Variants in VPS54 observed in about 807,000 individuals in gnomAD.
VPS54 encodes the protein VPS54 subunit of GARP complex.
A neutral mutation model predicts 121.5 loss-of-function variants in VPS54; 45 were observed. The ratio of observed to expected loss-of-function variants is 0.37; its 90% CI spans 0.29 to 0.47. VPS54 has a LOEUF of 0.47. Among genes scored for constraint, VPS54 ranks in the 20% least tolerant of loss-of-function variants. VPS54 has a pLI of 0.99. For synonymous variants in VPS54, 371 were observed against 385.8 expected, an observed-to-expected ratio of 0.96 and a Z score of 0.45; for missense variants, 1,090 against 1,131.4, an observed-to-expected ratio of 0.96 and a Z score of 0.52.
Position 64,010,084 on chromosome 2 carries a change from C to T in VPS54, c.-21+8854G>A, listed in dbSNP as rs372091288. On this transcript the variant is annotated intron_variant, in intron 1 of 22. Transcript: ENST00000272322. ...CTCAAACTCCCGACCTCAGGTGATT[C>T]GCCCACCTCGGCCTCCCAAAGTGCT... Among the ~76,000 whole-genome samples the T allele has an allele frequency of 6.6e-5, 10 of 152,218 alleles. No homozygotes were observed. The East Asian group carries it at 1.2e-3, about 18-fold the overall frequency.
rs1307190750 is a variant in VPS54 at position 63,942,640 on chromosome 2, A to C, written c.1302-79T>G. ...TAACATCTACAAACTGGAAGAAATG[A>C]GACTAAATACTATCTAGTGATAAAA... On this transcript the variant is annotated intron_variant, in intron 10 of 22. Coordinates refer to ENST00000272322, the MANE Select transcript of VPS54 (RefSeq NM_016516.3). 26 of 1,194,734 alleles carry C rather than the reference A, an allele frequency of 2.2e-5. No individual in the cohort carries two copies. In the East Asian group the frequency reaches 6.9e-4, roughly 32 times the overall value. 74.0% of individuals were successfully genotyped at this position (1,194,734 alleles called of 1,614,324 possible). A position where few individuals can be genotyped will look rare whatever the true frequency, so the allele number is the denominator to read the frequency against.
chr2:63,987,621 T>C (rs1295086089), intron 1 of VPS54, among the ~76,000 whole-genome samples: 1 of 152,230 alleles, frequency 6.6e-6, no homozygotes, highest in African/African-American at 2.4e-5. Flanking sequence ...TTGGTTAGTA[T>C]GGACATTTTA....
At position 63,969,867 on chromosome 2, in the gene VPS54, T is replaced by C. The variant is rs372182344; in HGVS notation, c.458-876A>G. 9.8e-5 allele frequency among the ~76,000 whole-genome samples: 15 copies of C among 152,290 alleles called. No homozygotes were observed. The South Asian group carries it at 2.3e-3, about 23-fold the overall frequency. On this transcript the variant is annotated intron_variant, in intron 4 of 22. Coordinates refer to ENST00000272322, the MANE Select transcript of VPS54 (RefSeq NM_016516.3). Reference sequence around the variant, plus strand: ...TTCTAAAGTAGGAATATTGTTTTTATTGTTTAAAAGATCTATCATCCCATC... The same window carrying C: ...TTCTAAAGTAGGAATATTGTTTTTACTGTTTAAAAGATCTATCATCCCATC...
chr2:63,964,923 CT>C (rs1428710998), intron 6 of VPS54, among the ~76,000 whole-genome samples: 2 of 152,198 alleles, frequency 1.3e-5, no homozygotes, highest in African/African-American at 4.8e-5. Flanking sequence ...TTAGAAGACT[CT>C]TGATAAGTAA....
intron 1 of VPS54, among the ~76,000 whole-genome samples, chr2:64,011,373 A>G (rs1434609318): frequency 6.6e-6 from 1 of 151,760 alleles, no homozygotes; most frequent in Non-Finnish European, 1.5e-5. Flanking sequence ...CCAGACCATC[A>G]TGGCCAACAT....
intron 3 of VPS54, among the ~76,000 whole-genome samples, chr2:63,977,277 T>A (rs1215304616): frequency 6.6e-6 from 1 of 152,236 alleles, no homozygotes; most frequent in Non-Finnish European, 1.5e-5. Context: ...TTCTTCTGCT[T>A]AATTTGGATT....
intron 7 of VPS54, among the ~76,000 whole-genome samples, chr2:63,959,653 G>A (rs1286332276): frequency 2.0e-5 from 3 of 152,196 alleles, no homozygotes; most frequent in East Asian, 1.9e-4. Flanking sequence ...CTGCGGAGCC[G>A]AGGAAGGTAG....
At chr2:64,010,924 C>A (rs984246775) in intron 1 of VPS54, among the ~76,000 whole-genome samples, 1 of 152,104 alleles carries the variant, frequency 6.6e-6, no homozygotes, top group Non-Finnish European at 1.5e-5. Flanking sequence ...ATCTAATTTT[C>A]TTTTTCTTTA....
At chr2:63,951,639 A>C (rs1315670568) in intron 7 of VPS54, among the ~76,000 whole-genome samples, 1 of 152,160 alleles carries the variant, frequency 6.6e-6, no homozygotes, top group African/African-American at 2.4e-5. Flanking sequence ...GTTTGGATAA[A>C]TTTTAACTTT....
At chr2:63,913,599 T>G (rs1200666230) in intron 17 of VPS54, among the ~76,000 whole-genome samples, 8 of 152,342 alleles carry the variant, frequency 5.3e-5, no homozygotes, top group Middle Eastern at 3.4e-3. Flanking sequence ...TCAGTCATTC[T>G]TGTTGGGAAG....
rs549031509 is a variant in VPS54, at chr2:63,892,549, TA to T, written c.*880del. ...AGGGGGCCATACTTCATATGTTATCTAAATGTTAATATGAGAACTCAAAAGT... is the reference window on the plus strand; with the variant it reads ...AGGGGGCCATACTTCATATGTTATCTAATGTTAATATGAGAACTCAAAAGT... On this transcript the variant is annotated 3_prime_UTR_variant, in exon 23 of 23. Coordinates refer to ENST00000272322, the MANE Select transcript of VPS54 (RefSeq NM_016516.3). 77 of 152,706 alleles carry T rather than the reference TA, an allele frequency of 5.0e-4. No individual in the cohort carries two copies. The highest frequency in any genetic ancestry group is 1.8e-3 in the African/African-American group (76 of 41,560). The allele number at this position is 152,706 out of a possible 1,614,324, so 9.5% of individuals were successfully genotyped here. A position where few individuals can be genotyped will look rare whatever the true frequency, so the allele number is the denominator to read the frequency against.
intron 22 of VPS54, among the ~76,000 whole-genome samples, chr2:63,894,115 G>C (rs1672340317): frequency 6.6e-6 from 1 of 152,068 alleles, no homozygotes; most frequent in East Asian, 1.9e-4. Context: ...TCAAAACAAG[G>C]TACTACTATC....
At chr2:63,999,419 C>A (rs1049955467) in intron 1 of VPS54, among the ~76,000 whole-genome samples, 12 of 152,210 alleles carry the variant, frequency 7.9e-5, no homozygotes, top group African/African-American at 2.7e-4. Context: ...TGTCATGCCA[C>A]TCTCTTGGCC....
intron 4 of VPS54, among the ~76,000 whole-genome samples, chr2:63,969,208 C>G (rs1676153368): frequency 6.6e-6 from 1 of 152,120 alleles, no homozygotes; most frequent in Admixed American, 6.5e-5. Flanking sequence ...AATTATATAG[C>G]AGCAATAAAA....
chr2:63,938,336 A>G (rs1020783026), intron 11 of VPS54, among the ~76,000 whole-genome samples: 3 of 151,870 alleles, frequency 2.0e-5, no homozygotes, highest in Non-Finnish European at 2.9e-5. Flanking sequence ...GAGTGGTAAA[A>G]ATGTCTTCAT....
At chr2:63,991,419 C>G (rs1212773017) in intron 1 of VPS54, among the ~76,000 whole-genome samples, 1 of 152,148 alleles carries the variant, frequency 6.6e-6, no homozygotes, top group African/African-American at 2.4e-5. Context: ...TATATTAAAG[C>G]TTGTGAAGGC....
chr2:63,941,803 G>T (rs1431808567), intron 11 of VPS54, among the ~76,000 whole-genome samples: 1 of 152,088 alleles, frequency 6.6e-6, no homozygotes, highest in Non-Finnish European at 1.5e-5. Context: ...GGAGGCAGAG[G>T]CGGGCAGATC....
rs114531504 is a variant in VPS54 at position 63,972,034 on chromosome 2, A to G, written c.457+132T>C. The G allele has an allele frequency of 1.0e-3, 467 of 458,334 alleles. 1 individual carries two copies. Among genetic ancestry groups the G allele is most frequent in the African/African-American group, 8.5e-3 (423 of 50,000 alleles). 28.4% of individuals were successfully genotyped at this position (458,334 alleles called of 1,614,324 possible). On this transcript the variant is annotated intron_variant, in intron 4 of 22. Coordinates refer to ENST00000272322, the MANE Select transcript of VPS54 (RefSeq NM_016516.3). ...CTTAGAAGTTCTTAGAAAATATTAT[A>G]ATCATAGGTTATAAAAATTTTACTA...
At chr2:63,976,952 C>A (rs1174505584) in intron 3 of VPS54, among the ~76,000 whole-genome samples, 1 of 151,584 alleles carries the variant, frequency 6.6e-6, no homozygotes, top group Admixed American at 6.6e-5. Flanking sequence ...CCTCAGCCTC[C>A]CAAGTAGCTG....
Sources: gnomAD v4.1 joint callset for allele counts (sites outside exome capture counted in the v4.1 genomes callset) on GRCh38, gnomAD v4.1.1 for gene constraint, MANE v1.5 for transcripts, NCBI Gene and HGNC (gene_info 2026-07-23, HGNC 2026-07-21) for gene names.